The following MYT1 variants were observed in gnomAD, a reference collection of about 807,000 sequenced individuals.
The protein encoded by MYT1 is myelin transcription factor 1.
Under a neutral mutation model 123.0 loss-of-function variants are expected in MYT1, and 23 were observed. The ratio of observed to expected loss-of-function variants is 0.19; its 90% CI spans 0.13 to 0.26. The LOEUF (loss-of-function observed/expected upper bound fraction) is 0.26, where lower values mean the gene tolerates loss of function less well. Ranked by LOEUF, MYT1 falls within the 10% of genes least tolerant of loss-of-function variation. The probability of loss-of-function intolerance (pLI) is 1.00; values close to 1 mark genes in which losing one functional copy is unlikely to be tolerated. For synonymous variants in MYT1, 518 were observed against 575.3 expected, an observed-to-expected ratio of 0.90 and a Z score of 1.43; for missense variants, 1,125 against 1,472.5, an observed-to-expected ratio of 0.76 and a Z score of 3.86.
intron 11 of MYT1, among the ~76,000 whole-genome samples, chr20:64,217,796 A>C (rs1034317340): frequency 5.3e-5 from 8 of 152,246 alleles, no homozygotes; most frequent in African/African-American, 1.9e-4. Context: ...GGACCATCTT[A>C]CTGGATACAA....
chr20:64,239,880 G>A lies in MYT1; in HGVS notation c.3214G>A (p.Ala1072Thr), dbSNP rs751357845. The part of the protein sequence containing the change: ...GLSQALIQSL[A>T]NIRLPHMEPI... ...GAGCCAGGCCCTCATCCAAAGTCTC[G>A]CCAATATCCGCCTTCCGCACATGGT... is the stretch of plus-strand genomic sequence containing the variant. Residue 1072 changes from alanine to threonine, a missense_variant, in exon 22 of 23, where the codon GCC (alanine) becomes ACC (threonine). Ala to Thr is a moderately conservative substitution (Grantham distance 58). This residue lies in a region of MYT1 where 243 missense variants were observed against 323.1 expected (regional missense o/e 0.75). Transcript: ENST00000328439. 16 of 1,613,124 alleles carry A rather than the reference G, an allele frequency of 9.9e-6. No individual in the cohort carries two copies. Among genetic ancestry groups the A allele is most frequent in the African/African-American group, 1.3e-5 (1 of 74,932 alleles).
intron 13 of MYT1, among the ~76,000 whole-genome samples, chr20:64,220,459 G>T (rs1601719228): frequency 6.6e-6 from 1 of 152,230 alleles, no homozygotes; most frequent in Non-Finnish European, 1.5e-5. Flanking sequence ...GCAGTTCTAC[G>T]TCCCCGAGAC....
At chr20:64,233,228 TTTCCCCTC>T (rs1984383144) in intron 19 of MYT1, among the ~76,000 whole-genome samples, 1 of 57,744 alleles carries the variant, frequency 1.7e-5, no homozygotes, top group Non-Finnish European at 3.3e-5. Context: ...CCTTTCCTTC[TTTCCCCTC>T]CCTTCCCCTT....
At chr20:64,172,741 C>T (rs376867966) in intron 1 of MYT1, among the ~76,000 whole-genome samples, 7 of 95,558 alleles carry the variant, frequency 7.3e-5, no homozygotes, top group East Asian at 6.5e-4. Flanking sequence ...GCCATACCCT[C>T]TTTTTTTTTT....
chr20:64,218,955 A>G lies in MYT1; in HGVS notation c.1891A>G (p.Thr631Ala). 2.5e-6 allele frequency: 4 copies of G among 1,613,754 alleles called. No homozygotes were observed. Among genetic ancestry groups the G allele is most frequent in the Non-Finnish European group, 2.5e-6 (3 of 1,180,030 alleles). ...CGCCGAGGCTGCACACATGGCTGCC[A>G]CTGCCATCCTGAACCTCTCCACGCG... ...QDAEAAHMAA[T>A]AILNLSTRCW... The change falls in exon 12 of 23, where the codon ACT becomes GCT. Residue 631 changes from threonine (T) to alanine (A), a missense_variant. Thr to Ala is a moderately conservative substitution (Grantham distance 58). Around this residue, in one of 4 missense-constraint regions of MYT1, gnomAD observed 429 missense variants for 604.1 expected, o/e 0.71. Transcript: ENST00000328439. This position sits in a 1 kb window ranked among gnomAD's most constrained non-coding sequence, Gnocchi z 4.0.
rs943552643 is a variant in MYT1, at chr20:64,185,783, C to T, written c.-98-4280C>T. 2.0e-5 allele frequency among the ~76,000 whole-genome samples: 3 copies of T among 152,184 alleles called. No individual in the cohort carries two copies. Among genetic ancestry groups the T allele is most frequent in the African/African-American group, 7.2e-5 (3 of 41,434 alleles). On this transcript the variant is annotated intron_variant, in intron 1 of 22. Coordinates refer to ENST00000328439, the MANE Select transcript of MYT1 (RefSeq NM_004535.3). The surrounding 1 kb of genome is among the most constrained non-coding windows in gnomAD (Gnocchi z 4.5). ...TGCCAGTGCAAGGAGGAAGTGTGTG[C>T]TGGCAGTGGGTCAGCCGGCAGCTGG...
rs760346834 is a variant in MYT1, at chr20:64,241,987, T to C, written c.*1539T>C. The stretch of plus-strand genomic sequence containing the variant: ...GCAAATGGAATTCTGTATTTATTAT[T>C]ATTTAAGTGTAGCGCAGATGTGTGT... On this transcript the variant is annotated 3_prime_UTR_variant, in exon 23 of 23. Coordinates refer to ENST00000328439, the MANE Select transcript of MYT1 (RefSeq NM_004535.3). This position sits in a 1 kb window ranked among gnomAD's most constrained non-coding sequence, Gnocchi z 4.2. 2.0e-5 allele frequency: 3 copies of C among 152,338 alleles called. No individual in the cohort carries two copies. Among genetic ancestry groups the C allele is most frequent in the Non-Finnish European group, 4.4e-5 (3 of 68,036 alleles). 9.4% of individuals were successfully genotyped at this position (152,338 alleles called of 1,614,324 possible).
At position 64,205,588 on chromosome 20, in the gene MYT1, T is replaced by C; in HGVS notation, c.185T>C (p.Leu62Pro). Reference sequence around the variant, plus strand: ...TGCCCCCTGGCCAAGAAGAGGAAGCTGGAGGGCGCTGAGGCTGAGCACCTG... The same window carrying C: ...TGCCCCCTGGCCAAGAAGAGGAAGCCGGAGGGCGCTGAGGCTGAGCACCTG... ...QSCPLAKKRK[L>P]EGAEAEHLVS... The change falls in exon 6 of 23, where the codon CTG becomes CCG. Residue 62 changes from leucine to proline, a missense_variant. By Grantham distance (98) the Leu-to-Pro change is moderately conservative (BLOSUM62 -3). Coordinates refer to ENST00000328439, the MANE Select transcript of MYT1 (RefSeq NM_004535.3). 6.2e-7 allele frequency: 1 copy of C among 1,614,108 alleles called. No individual in the cohort carries two copies. Among genetic ancestry groups the C allele is most frequent in the Non-Finnish European group, 8.5e-7 (1 of 1,180,026 alleles).
rs1330258922 is a variant in MYT1 at position 64,212,670 on chromosome 20, A to G, written c.1517+532A>G. On this transcript the variant is annotated intron_variant, in intron 9 of 22. Transcript: ENST00000328439. The surrounding 1 kb of genome is among the most constrained non-coding windows in gnomAD (Gnocchi z 6.8). ...TTGCTCCTGAGTGGGAAGGGCAGAC[A>G]TGAACAGTAACCTCGGCAGGCCAGG... 6.6e-6 allele frequency among the ~76,000 whole-genome samples: 1 copy of G among 152,312 alleles called. No individual in the cohort carries two copies. Among genetic ancestry groups the G allele is most frequent in the East Asian group, 1.9e-4 (1 of 5,174 alleles).
intron 19 of MYT1, among the ~76,000 whole-genome samples, chr20:64,233,245 TTCC>T (rs1984384812): frequency 8.3e-5 from 1 of 12,064 alleles, no homozygotes; most frequent in Non-Finnish European, 1.4e-4. Flanking sequence ...TCCCTTCCCC[TTCC>T]CCTCCCCTCT....
At position 64,179,144 on chromosome 20, in the gene MYT1, G is replaced by A. The variant is rs577246844; in HGVS notation, c.-98-10919G>A. Among the ~76,000 whole-genome samples the A allele has an allele frequency of 7.3e-5, 11 of 150,622 alleles. No individual in the cohort carries two copies. The East Asian group carries it at 2.0e-3, about 27-fold the overall frequency. On this transcript the variant is annotated intron_variant, in intron 1 of 22. Coordinates refer to ENST00000328439, the MANE Select transcript of MYT1 (RefSeq NM_004535.3). Reference sequence around the variant, plus strand: ...TGGGAGCACTGAGCTGTTATTCAGTGGGATACCCTTCAACGTGGGAGCACT... The same window carrying A: ...TGGGAGCACTGAGCTGTTATTCAGTAGGATACCCTTCAACGTGGGAGCACT...
intron 19 of MYT1, among the ~76,000 whole-genome samples, chr20:64,235,397 T>C (rs1984483739): frequency 7.5e-6 from 1 of 132,868 alleles, no homozygotes; most frequent in Non-Finnish European, 1.6e-5. Context: ...TGGGTGACCC[T>C]TGGCTGGCCA....
intron 1 of MYT1, among the ~76,000 whole-genome samples, chr20:64,188,356 T>C (rs1982871428): frequency 6.6e-6 from 1 of 152,190 alleles, no homozygotes; most frequent in Admixed American, 6.5e-5. Context: ...GCCCCAGTTG[T>C]CTTGCATATA....
chr20:64,199,683 G>A (rs1304244795), intron 3 of MYT1, among the ~76,000 whole-genome samples: 1 of 152,184 alleles, frequency 6.6e-6, no homozygotes, highest in African/African-American at 2.4e-5. Context: ...AGGCTTGGGG[G>A]AGCAGCTCAC....
At chr20:64,211,451 C>T in intron 8 of MYT1, 111 bp downstream of exon 8, 1 of 1,179,122 alleles carries the variant, frequency 8.5e-7, no homozygotes, top group East Asian at 2.5e-5. Context: ...TAACCTTCCC[C>T]TTTGGTTTGT....
At chr20:64,207,551 C>T (rs770508878) in intron 6 of MYT1, 43 bp from the exon 7 acceptor site, 4 of 1,581,854 alleles carry the variant, frequency 2.5e-6, no homozygotes, top group Admixed American at 3.4e-5. Flanking sequence ...TGGAGTCTTC[C>T]CACGTGCTCT....
chr20:64,183,613 G>T (rs1982714989), intron 1 of MYT1, among the ~76,000 whole-genome samples: 1 of 152,172 alleles, frequency 6.6e-6, no homozygotes, highest in Admixed American at 6.5e-5. Flanking sequence ...TAGCTGTTGG[G>T]CATCTCTTCA....
Position 64,211,203 on chromosome 20 carries a change from T to C in MYT1, c.1292-3T>C. 1 of 1,612,130 alleles carries C rather than the reference T, an allele frequency of 6.2e-7. No homozygotes were observed. The highest frequency in any genetic ancestry group is 1.1e-5 in the South Asian group (1 of 90,596). Reference sequence around the variant, plus strand: ...TCTAACTGATGTGACTTGTGTGTTTTAGATCCTTCAAGAGCTGAGAAGCGT... The same window carrying C: ...TCTAACTGATGTGACTTGTGTGTTTCAGATCCTTCAAGAGCTGAGAAGCGT... On this transcript the variant is annotated splice_polypyrimidine_tract_variant and splice_region_variant and intron_variant, in intron 7 of 22. Transcript: ENST00000328439.
chr20:64,239,990 C>T, intron 22 of MYT1, 87 bp downstream of exon 22: 2 of 1,551,478 alleles, frequency 1.3e-6, no homozygotes, highest in Non-Finnish European at 1.7e-6. Flanking sequence ...CCCACCCCCT[C>T]TGCCTCTGGG....
Sources: allele counts gnomAD v4.1 joint callset (sites outside exome capture counted in the v4.1 genomes callset), GRCh38; gene constraint gnomAD v4.1.1; regional missense constraint gnomAD v4.1.1; non-coding constraint Gnocchi (gnomAD v3.1); transcripts MANE v1.5; gene names NCBI Gene and HGNC (gene_info 2026-07-23, HGNC 2026-07-21).